FOXP1: variants seen among roughly 807,000 people sequenced by gnomAD.
FOXP1 encodes forkhead box protein P1.
FOXP1 carries 15 observed loss-of-function variants against 98.2 expected under a neutral mutation model. The observed-to-expected ratio is 0.15, with a 90% CI of 0.10 to 0.24. The LOEUF is 0.24. Ranked by LOEUF, FOXP1 falls within the 10% of genes least tolerant of loss-of-function variation. The pLI is 1.00. For missense variants in FOXP1, 633 were observed against 848.5 expected (o/e 0.75, Z 3.15); for synonymous variants, 371 against 314.5 (o/e 1.18, Z -1.90).
At chr3:71,121,604 T>G (rs749022178) in intron 6 of FOXP1, among the ~76,000 whole-genome samples, 4 of 151,908 alleles carry the variant, frequency 2.6e-5, no homozygotes, top group Non-Finnish European at 5.9e-5. Flanking sequence ...ACACCAAGTC[T>G]CCGGCACCTG....
At chr3:70,982,079 G>A (rs1265601528) in intron 14 of FOXP1, among the ~76,000 whole-genome samples, 1 of 152,140 alleles carries the variant, frequency 6.6e-6, no homozygotes, top group Non-Finnish European at 1.5e-5. Context: ...GGTTGAGAGA[G>A]AAAGAATGGA....
intron 6 of FOXP1, chr3:71,197,956 G>T (rs377061028): frequency 1.2e-6 from 2 of 1,614,082 alleles, no homozygotes; most frequent in Non-Finnish European, 1.7e-6. Flanking sequence ...CTTCGTCTCA[G>T]CAACTGCTCC....
chr3:71,370,098 A>G (rs1228159494), intron 3 of FOXP1, among the ~76,000 whole-genome samples: 1 of 152,220 alleles, frequency 6.6e-6, no homozygotes, highest in Non-Finnish European at 1.5e-5. Flanking sequence ...ATTTTCTGAC[A>G]GCGCTGTTGG....
At chr3:71,305,041 T>G (rs903914906) in intron 4 of FOXP1, among the ~76,000 whole-genome samples, 1 of 152,030 alleles carries the variant, frequency 6.6e-6, no homozygotes, top group African/African-American at 2.4e-5. Context: ...CACTCTACCC[T>G]CAAAAAGAAA....
chr3:70,966,992 C>T (rs887194194), intron 19 of FOXP1, among the ~76,000 whole-genome samples: 1 of 152,116 alleles, frequency 6.6e-6, no homozygotes, highest in Non-Finnish European at 1.5e-5. Flanking sequence ...TGATTACGAC[C>T]CACTGACTTT....
At chr3:71,134,457 A>ATAGG (rs1312429674) in intron 6 of FOXP1, among the ~76,000 whole-genome samples, 4 of 152,186 alleles carry the variant, frequency 2.6e-5, no homozygotes, top group Non-Finnish European at 5.9e-5. Context: ...AGGTATTGAG[A>ATAGG]TAGGTAGGTA....
chr3:71,271,680 T>C (rs1442103189), intron 5 of FOXP1, among the ~76,000 whole-genome samples: 1 of 152,236 alleles, frequency 6.6e-6, no homozygotes, highest in Non-Finnish European at 1.5e-5. Flanking sequence ...ATGTTCCACA[T>C]GTGAATATAA....
At position 70,956,418 on chromosome 3, in the gene FOXP1, T is replaced by TC. The variant is rs2031799701; in HGVS notation, c.*2828_*2829insG. ...AGATATGTAAAATCTAATTTTTCTTTTTTTTTTTTTTTTGCTACAGTCTTT... is the reference window on the plus strand; with the variant it reads ...AGATATGTAAAATCTAATTTTTCTTTCTTTTTTTTTTTTTGCTACAGTCTTT... On this transcript the variant is annotated 3_prime_UTR_variant, in exon 21 of 21. Transcript: ENST00000649528. 5.2e-6 allele frequency: 1 copy of TC among 190,742 alleles called. No individual in the cohort carries two copies. Among genetic ancestry groups the TC allele is most frequent in the Non-Finnish European group, 1.1e-5 (1 of 92,544 alleles). 11.8% of individuals were successfully genotyped at this position (190,742 alleles called of 1,614,324 possible). A position where few individuals can be genotyped will look rare whatever the true frequency, so the allele number is the denominator to read the frequency against.
At chr3:71,516,277 T>C (rs987293577) in intron 2 of FOXP1, among the ~76,000 whole-genome samples, 1 of 152,084 alleles carries the variant, frequency 6.6e-6, no homozygotes. Context: ...AAAAGCACAA[T>C]GCAAACGTGT....
At chr3:71,288,111 C>T (rs1560246609) in intron 5 of FOXP1, among the ~76,000 whole-genome samples, 1 of 152,274 alleles carries the variant, frequency 6.6e-6, no homozygotes, top group East Asian at 1.9e-4. Flanking sequence ...AACTCCTGAG[C>T]TCAGATGATC....
chr3:71,001,683 G>A lies in FOXP1; in HGVS notation c.975-624C>T, dbSNP rs772300280. Among the ~76,000 whole-genome samples, 12 of 152,184 alleles carry A rather than the reference G, an allele frequency of 7.9e-5. 1 individual carries two copies. Among genetic ancestry groups the A allele is most frequent in the Admixed American group, 3.3e-4 (5 of 15,284 alleles). On this transcript the variant is annotated intron_variant, in intron 12 of 20. Coordinates refer to ENST00000649528, the MANE Select transcript of FOXP1 (RefSeq NM_001349338.3). ...TGATGGTCTAGATATCCAGTTTACGGATGATTCAGGCCACATGCTGAGTAT... is the reference window on the plus strand; with the variant it reads ...TGATGGTCTAGATATCCAGTTTACGAATGATTCAGGCCACATGCTGAGTAT...
In FOXP1 at chr3:70,957,090, C is replaced by T. The variant is rs548853878; in HGVS notation, c.*2157G>A. 7.3e-4 allele frequency: 163 copies of T among 222,520 alleles called. No homozygotes were observed. The highest frequency in any genetic ancestry group is 1.4e-3 in the Middle Eastern group (1 of 700). 13.8% of individuals were successfully genotyped at this position (222,520 alleles called of 1,614,324 possible). A position where few individuals can be genotyped will look rare whatever the true frequency, so the allele number is the denominator to read the frequency against. ...ATGTAATCTAGTTCAATTATGGAAG[C>T]TTTTCTGTCCTGACTCTAAACTGTC... On this transcript the variant is annotated 3_prime_UTR_variant, in exon 21 of 21. Transcript: ENST00000649528.
intron 2 of FOXP1, among the ~76,000 whole-genome samples, chr3:71,540,583 C>T (rs1414972146): frequency 6.6e-6 from 1 of 152,184 alleles, no homozygotes; most frequent in African/African-American, 2.4e-5. Context: ...GTCTCATGTA[C>T]ATAATCTCAT....
chr3:71,165,878 G>A (rs181007909), intron 6 of FOXP1, among the ~76,000 whole-genome samples: 5 of 152,290 alleles, frequency 3.3e-5, no homozygotes, highest in African/African-American at 7.2e-5. Flanking sequence ...GAGAAGCAAC[G>A]TGATCATCAA....
At chr3:71,531,830 C>T (rs1387136964) in intron 2 of FOXP1, among the ~76,000 whole-genome samples, 1 of 152,144 alleles carries the variant, frequency 6.6e-6, no homozygotes, top group African/African-American at 2.4e-5. Context: ...GTTCTAGACC[C>T]AAGATTTTGT....
At chr3:71,433,462 TA>T (rs1163783213) in intron 3 of FOXP1, among the ~76,000 whole-genome samples, 1 of 152,052 alleles carries the variant, frequency 6.6e-6, no homozygotes, top group African/African-American at 2.4e-5. Context: ...CCATGAGAAA[TA>T]AAAACATGCA....
chr3:71,203,477 T>C (rs1229435632), intron 5 of FOXP1, among the ~76,000 whole-genome samples: 1 of 152,244 alleles, frequency 6.6e-6, no homozygotes, highest in Non-Finnish European at 1.5e-5. Context: ...AAAGCTGTGC[T>C]TTATTATTAT....
chr3:71,112,485 C>A, intron 7 of FOXP1, 51 bp downstream of exon 7: 1 of 1,384,312 alleles, frequency 7.2e-7, no homozygotes, highest in South Asian at 1.2e-5. Flanking sequence ...AACTGCTTGT[C>A]ACTTATCCCA....
chr3:71,269,332 T>C (rs926526251), intron 5 of FOXP1, among the ~76,000 whole-genome samples: 6 of 152,050 alleles, frequency 3.9e-5, no homozygotes, highest in Admixed American at 2.6e-4. Context: ...AGTAATAAGA[T>C]AGCTAGGCAG....
Sources: gnomAD v4.1 joint callset for allele counts (sites outside exome capture counted in the v4.1 genomes callset) on GRCh38, gnomAD v4.1.1 for gene constraint, MANE v1.5 for transcripts, NCBI Gene and HGNC (gene_info 2026-07-23, HGNC 2026-07-21) for gene names.